The following TSBP1 variants were observed in gnomAD, a reference collection of about 807,000 sequenced individuals.
TSBP1 encodes the protein testis expressed basic protein 1, also known as testis-expressed basic protein 1.
Under a neutral mutation model 68.8 loss-of-function variants are expected in TSBP1, and 56 were observed. That is an observed-to-expected ratio of 0.81 (90% CI 0.66 to 1.02). TSBP1 has a LOEUF of 1.02. TSBP1 is among the 50% of genes least tolerant of loss of function. TSBP1 has a pLI of 0.00. For synonymous variants in TSBP1, 171 were observed against 208.7 expected (o/e 0.82, Z 1.56); for missense variants, 502 against 641.2 (o/e 0.78, Z 2.34).
chr6:32,324,574 C>G (rs1266159545), intron 16 of TSBP1: 2 of 1,528,242 alleles, frequency 1.3e-6, no homozygotes, highest in Non-Finnish European at 1.8e-6. Flanking sequence ...CCTTTGTATC[C>G]CAATATGGGC....
chr6:32,328,473 T>C (rs1331316931), intron 16 of TSBP1, among the ~76,000 whole-genome samples: 1 of 151,882 alleles, frequency 6.6e-6, no homozygotes, highest in Non-Finnish European at 1.5e-5. Context: ...TGGAGTGCAG[T>C]GGTGAGATCT....
At chr6:32,293,799 C>T in exon 23 of TSBP1, 1 of 1,612,988 alleles carries the variant, frequency 6.2e-7, no homozygotes, top group African/African-American at 1.3e-5. Flanking sequence ...TCTACCTTGA[C>T]CTCCATTCCT....
intron 16 of TSBP1, 78 bp from the exon 18 acceptor site, chr6:32,323,692 G>T: frequency 3.0e-6 from 4 of 1,329,012 alleles, no homozygotes; most frequent in Non-Finnish European, 4.3e-6. Flanking sequence ...GTTTCTTCTT[G>T]GTAGGTCATT....
intron 6 of TSBP1, among the ~76,000 whole-genome samples, chr6:32,362,969 T>C (rs1345919776): frequency 6.6e-6 from 1 of 152,214 alleles, no homozygotes; most frequent in African/African-American, 2.4e-5. Flanking sequence ...TTGTCAATAA[T>C]GGGTTACTGA....
chr6:32,293,829 C>G (rs947275416), exon 23 of TSBP1: 1 of 1,613,072 alleles, frequency 6.2e-7, no homozygotes, highest in African/African-American at 1.3e-5. Flanking sequence ...TTCTCTAAAT[C>G]AGTGCCTTTT....
intron 8 of TSBP1, 162 bp from the exon 9 acceptor site, chr6:32,349,922 A>C: frequency 1.2e-6 from 1 of 805,746 alleles, no homozygotes; most frequent in Non-Finnish European, 2.2e-6. Flanking sequence ...GAGCAGCTGG[A>C]TATCTACATA....
chr6:32,347,935 C>G (rs1771246379), intron 9 of TSBP1, among the ~76,000 whole-genome samples: 1 of 152,190 alleles, frequency 6.6e-6, no homozygotes, highest in Non-Finnish European at 1.5e-5. Context: ...TTCTAATCTC[C>G]TAGCTAAAGG....
At chr6:32,328,579 C>A (rs1768552821) in intron 16 of TSBP1, among the ~76,000 whole-genome samples, 1 of 151,944 alleles carries the variant, frequency 6.6e-6, no homozygotes. Flanking sequence ...CCATGCCTGG[C>A]CAATTTTTTG....
intron 20 of TSBP1, among the ~76,000 whole-genome samples, chr6:32,301,203 A>T (rs533876): frequency 1.3e-5 from 2 of 151,550 alleles, no homozygotes; most frequent in Non-Finnish European, 2.9e-5. Flanking sequence ...TAATTTTTGT[A>T]TTTTTTTGTA....
At chr6:32,309,328 GT>G (rs1766132623) in intron 19 of TSBP1, among the ~76,000 whole-genome samples, 1 of 148,334 alleles carries the variant, frequency 6.7e-6, no homozygotes, top group South Asian at 2.2e-4. Flanking sequence ...TTACTGTCAT[GT>G]TTTGTTGATT....
rs1555117 is a variant in TSBP1, at chr6:32,343,371, C to A, written c.350-3733G>T. The A allele has an allele frequency of 1.5e-5, 8 of 539,404 alleles. No homozygotes were observed. Among genetic ancestry groups the A allele is most frequent in the East Asian group, 6.9e-5 (2 of 28,842 alleles). 33.4% of individuals were successfully genotyped at this position (539,404 alleles called of 1,614,324 possible). ...CCTCAGGTTATTAGACTTTCCATTCCCCTGTAGGTAGGCTCATAAAGTGGC... is the reference window on the plus strand; with the variant it reads ...CCTCAGGTTATTAGACTTTCCATTCACCTGTAGGTAGGCTCATAAAGTGGC... On this transcript the variant is annotated intron_variant, in intron 9 of 22. Transcript: ENST00000612031. This position sits in a 1 kb window ranked among gnomAD's most constrained non-coding sequence, Gnocchi z 4.3.
intron 22 of TSBP1, among the ~76,000 whole-genome samples, chr6:32,299,374 T>C (rs1442475635): frequency 6.6e-6 from 1 of 152,192 alleles, no homozygotes; most frequent in African/African-American, 2.4e-5. Flanking sequence ...AGAAAGGAGA[T>C]GGTATTTTGT....
chr6:32,355,171 G>C (rs775856076), intron 7 of TSBP1, 27 bp from the exon 8 acceptor site: 1 of 1,609,580 alleles, frequency 6.2e-7, no homozygotes, highest in South Asian at 1.1e-5. Context: ...GAAAACATGA[G>C]GTGAATCATG....
chr6:32,368,007 G>A (rs1316332296), intron 3 of TSBP1, 50 bp from the exon 4 acceptor site: 5 of 1,447,880 alleles, frequency 3.5e-6, no homozygotes, highest in African/African-American at 1.4e-5. Flanking sequence ...TATTAAATGA[G>A]GCTTTATTTA....
chr6:32,318,194 A>G (rs1019058573), intron 18 of TSBP1, among the ~76,000 whole-genome samples: 1 of 152,222 alleles, frequency 6.6e-6, no homozygotes, highest in Non-Finnish European at 1.5e-5. Context: ...AAACTAATGC[A>G]GGAAGAGAGA....
intron 15 of TSBP1, 154 bp downstream of exon 16, chr6:32,331,880 C>T: frequency 3.1e-6 from 2 of 647,596 alleles, no homozygotes; most frequent in Non-Finnish European, 5.4e-6. Context: ...CTCGCCTTCC[C>T]TCCAAAACCT....
At chr6:32,355,399 C>G (rs1772186329) in intron 7 of TSBP1, among the ~76,000 whole-genome samples, 1 of 151,794 alleles carries the variant, frequency 6.6e-6, no homozygotes, top group Admixed American at 6.6e-5. Context: ...TCCCTTTTTT[C>G]CCTCTCTATT....
At chr6:32,359,915 A>T (rs1269751118) in intron 6 of TSBP1, among the ~76,000 whole-genome samples, 3 of 152,090 alleles carry the variant, frequency 2.0e-5, no homozygotes, top group African/African-American at 7.2e-5. Flanking sequence ...AGGTATAATT[A>T]TAAAAATTAT....
Position 32,325,660 on chromosome 6 carries a change from T to G in TSBP1, c.515-2046A>C. On this transcript the variant is annotated intron_variant, in intron 16 of 22. Coordinates refer to ENST00000612031, the Ensembl canonical transcript of TSBP1. The surrounding 1 kb of genome is among the most constrained non-coding windows in gnomAD (Gnocchi z 4.4). ...GAGGCAGTTGCAAGAAAAGGGGATT[T>G]GCCTTTGTAACCTTTGATGACCATG... 1 of 1,073,774 alleles carries G rather than the reference T, an allele frequency of 9.3e-7. No homozygotes were observed. The highest frequency in any genetic ancestry group is 1.4e-6 in the Non-Finnish European group (1 of 703,336). 66.5% of individuals were successfully genotyped at this position (1,073,774 alleles called of 1,614,324 possible).
Sources: gnomAD v4.1 joint callset for allele counts (sites outside exome capture counted in the v4.1 genomes callset) on GRCh38, gnomAD v4.1.1 for gene constraint, Gnocchi (gnomAD v3.1) non-coding constraint, MANE v1.5 for transcripts, NCBI Gene and HGNC (gene_info 2026-07-23, HGNC 2026-07-21) for gene names.